Variants in NMT2 observed in about 807,000 individuals in gnomAD.
The protein encoded by NMT2 is glycylpeptide N-tetradecanoyltransferase 2.
A neutral mutation model predicts 65.4 loss-of-function variants in NMT2; 35 were observed. The observed-to-expected ratio is 0.54, with a 90% CI of 0.41 to 0.71. The LOEUF is 0.71. Ranked by LOEUF, NMT2 falls within the 30% of genes least tolerant of loss-of-function variation. The probability of loss-of-function intolerance (pLI) is 0.00; values close to 1 mark genes in which losing one functional copy is unlikely to be tolerated. For missense variants in NMT2, 489 were observed against 611.3 expected (o/e 0.80, Z 2.11); for synonymous variants, 226 against 231.8 (o/e 0.98, Z 0.23).
At position 15,141,412 on chromosome 10, in the gene NMT2, G is replaced by A. The variant is rs369371567; in HGVS notation, c.246+10C>T. On this transcript the variant is annotated intron_variant, in intron 2 of 11. Coordinates refer to ENST00000378165, the MANE Select transcript of NMT2 (RefSeq NM_004808.3). ...ACCACACAGAGGAAAAAATAAAACA[G>A]AGCTCTCACTTTCGAAGGCTGCTGA... 4.3e-6 allele frequency: 7 copies of A among 1,613,502 alleles called. No individual in the cohort carries two copies. In the East Asian group the frequency reaches 1.6e-4, roughly 36 times the overall value.
chr10:15,168,388 C>G (rs775252683), intron 1 of NMT2, 115 bp downstream of exon 1: 17 of 710,782 alleles, frequency 2.4e-5, no homozygotes, highest in Non-Finnish European at 3.2e-5. Flanking sequence ...GAGAAGCCAT[C>G]GCGGGGCGGA....
chr10:15,165,948 A>C (rs1397998095), intron 1 of NMT2, among the ~76,000 whole-genome samples: 1 of 152,136 alleles, frequency 6.6e-6, no homozygotes, highest in East Asian at 1.9e-4. Context: ...GTATTTTATA[A>C]TACTTACGCC....
chr10:15,160,573 G>A (rs997104403), intron 1 of NMT2, among the ~76,000 whole-genome samples: 2 of 152,108 alleles, frequency 1.3e-5, no homozygotes, highest in East Asian at 1.9e-4. Context: ...TCAGGAGTTC[G>A]AGACCAGCCG....
intron 1 of NMT2, among the ~76,000 whole-genome samples, chr10:15,157,424 G>A (rs1167838509): frequency 1.3e-5 from 2 of 152,122 alleles, no homozygotes; most frequent in Admixed American, 6.5e-5. Context: ...TCCCGGCAGC[G>A]CTTTCACCCA....
At position 15,141,498 on chromosome 10, in the gene NMT2, T is replaced by C; in HGVS notation, c.170A>G (p.Glu57Gly). Reference sequence around the variant, plus strand: ...CTTGGTGCCTCCGGAATTTGGTTTCTCCTTTTTTCTCTTCTGTTTCTTCTT... The same window carrying C: ...CTTGGTGCCTCCGGAATTTGGTTTCCCCTTTTTTCTCTTCTGTTTCTTCTT... ...KKKKKQKRKK[E>G]KPNSGGTKSD... Residue 57 changes from glutamate to glycine, a missense_variant, in exon 2 of 12, where the codon GAG becomes GGG. Glu to Gly is a moderately conservative substitution (Grantham distance 98). Transcript: ENST00000378165. 6.2e-7 allele frequency: 1 copy of C among 1,614,262 alleles called. No individual in the cohort carries two copies. Among genetic ancestry groups the C allele is most frequent in the Non-Finnish European group, 8.5e-7 (1 of 1,180,042 alleles).
intron 8 of NMT2, among the ~76,000 whole-genome samples, chr10:15,122,788 T>C (rs1369190726): frequency 2.0e-5 from 3 of 152,198 alleles, no homozygotes; most frequent in Non-Finnish European, 2.9e-5. Flanking sequence ...TCCACACTTA[T>C]CGCATTAGAA....
At chr10:15,144,783 C>A (rs185807680) in intron 1 of NMT2, among the ~76,000 whole-genome samples, 1 of 152,048 alleles carries the variant, frequency 6.6e-6, no homozygotes, top group Admixed American at 6.5e-5. Flanking sequence ...ACGCTGGAAC[C>A]CTCATACACT....
chr10:15,137,442 T>C, intron 2 of NMT2, among the ~76,000 whole-genome samples: 1 of 152,182 alleles, frequency 6.6e-6, no homozygotes, highest in East Asian at 1.9e-4. Flanking sequence ...CTCATTATTA[T>C]ATCTTTGGAT....
At chr10:15,155,941 C>T (rs555601250) in intron 1 of NMT2, among the ~76,000 whole-genome samples, 7 of 150,576 alleles carry the variant, frequency 4.6e-5, no homozygotes, top group Admixed American at 1.3e-4. Context: ...AGAGAAAAGT[C>T]GCATCCAGGG....
In NMT2 at chr10:15,119,509, G is replaced by T; in HGVS notation, c.1004C>A (p.Thr335Lys). The change falls in exon 9 of 12, where the codon ACA becomes AAA. Residue 335 changes from threonine (T) to lysine (K), a missense_variant. Transcript: ENST00000378165. The part of the protein sequence containing the change: ...TMKLYRLPDV[T>K]KTSGLRPMEP... ...CATTGGTCTCAAACCTGAAGTCTTT[G>T]TAACCTTGTTGGAGGGGAAACAAAA... 1 of 1,613,348 alleles carries T rather than the reference G, an allele frequency of 6.2e-7. No homozygotes were observed. Among genetic ancestry groups the T allele is most frequent in the Non-Finnish European group, 8.5e-7 (1 of 1,179,664 alleles).
chr10:15,113,889 G>A (rs935492167), intron 9 of NMT2, among the ~76,000 whole-genome samples: 1 of 152,142 alleles, frequency 6.6e-6, no homozygotes, highest in African/African-American at 2.4e-5. Context: ...CAAGAAATTA[G>A]CCAGTATTGT....
At chr10:15,156,963 C>T (rs1490399494) in intron 1 of NMT2, among the ~76,000 whole-genome samples, 1 of 152,036 alleles carries the variant, frequency 6.6e-6, no homozygotes, top group Non-Finnish European at 1.5e-5. Flanking sequence ...AAAATAAGCA[C>T]TCTGCTTTCA....
Position 15,129,627 on chromosome 10 carries a change from G to C in NMT2, c.890+515C>G, listed in dbSNP as rs543929350. 3.3e-5 allele frequency among the ~76,000 whole-genome samples: 5 copies of C among 152,282 alleles called. No homozygotes were observed. The South Asian group carries it at 1.0e-3, about 32-fold the overall frequency. The stretch of plus-strand genomic sequence containing the variant: ...GGAATTTTAAGATCATCATGTCCTA[G>C]GTTTTCCCATGTAGAGACAGCATTC... On this transcript the variant is annotated intron_variant, in intron 7 of 11. Coordinates refer to ENST00000378165, the MANE Select transcript of NMT2 (RefSeq NM_004808.3).
At chr10:15,150,322 A>C (rs1408569820) in intron 1 of NMT2, among the ~76,000 whole-genome samples, 1 of 152,228 alleles carries the variant, frequency 6.6e-6, no homozygotes, top group Non-Finnish European at 1.5e-5. Flanking sequence ...TTTCACCTGC[A>C]GTTCAGGGTT....
At chr10:15,154,504 C>T (rs968187396) in intron 1 of NMT2, among the ~76,000 whole-genome samples, 17 of 152,222 alleles carry the variant, frequency 1.1e-4, no homozygotes, top group Admixed American at 9.8e-4. Flanking sequence ...ATGCCTAAAA[C>T]CATGGCTAGT....
At chr10:15,139,975 T>C (rs1465045195) in intron 2 of NMT2, among the ~76,000 whole-genome samples, 2 of 146,412 alleles carry the variant, frequency 1.4e-5, no homozygotes, top group Admixed American at 7.1e-5. Context: ...AAGATCGAAC[T>C]GCGAGTTAGA....
chr10:15,109,013 A>C lies in NMT2; in HGVS notation c.*182T>G, dbSNP rs778984016. Reference sequence around the variant, plus strand: ...TAGGTCAACAGTAAAAAAAGGATGAAGTTTAACATTCTAGCTAGAAACGTA... The same window carrying C: ...TAGGTCAACAGTAAAAAAAGGATGACGTTTAACATTCTAGCTAGAAACGTA... On this transcript the variant is annotated 3_prime_UTR_variant, in exon 12 of 12. Coordinates refer to ENST00000378165, the MANE Select transcript of NMT2 (RefSeq NM_004808.3). The C allele has an allele frequency of 4.3e-6, 6 of 1,393,210 alleles. No individual in the cohort carries two copies. The highest frequency in any genetic ancestry group is 5.6e-6 in the Non-Finnish European group (6 of 1,078,842). The allele number at this position is 1,393,210 out of a possible 1,614,324, so 86.3% of individuals were successfully genotyped here.
chr10:15,153,720 G>A (rs1168849848), intron 1 of NMT2, among the ~76,000 whole-genome samples: 1 of 152,006 alleles, frequency 6.6e-6, no homozygotes, highest in Admixed American at 6.6e-5. Flanking sequence ...GCCAATCTCG[G>A]CTCACTGCAA....
intron 9 of NMT2, among the ~76,000 whole-genome samples, chr10:15,116,921 A>T (rs910201994): frequency 6.6e-6 from 1 of 152,252 alleles, no homozygotes; most frequent in African/African-American, 2.4e-5. Flanking sequence ...TCCATTATTT[A>T]AAAACTCCCA....
Sources: gnomAD v4.1 joint callset for allele counts (sites outside exome capture counted in the v4.1 genomes callset) on GRCh38, gnomAD v4.1.1 for gene constraint, MANE v1.5 for transcripts, NCBI Gene and HGNC (gene_info 2026-07-23, HGNC 2026-07-21) for gene names.